TAPT1: variants seen among roughly 807,000 people sequenced by gnomAD.
TAPT1 encodes the protein transmembrane anterior posterior transformation 1, also known as transmembrane anterior posterior transformation protein 1 homolog.
In TAPT1, 28 loss-of-function variants were observed where a neutral mutation model predicts 65.6. The ratio of observed to expected loss-of-function variants is 0.43; its 90% CI spans 0.32 to 0.59. TAPT1 has a LOEUF of 0.59. Among genes scored for constraint, TAPT1 ranks in the 20% least tolerant of loss-of-function variants. TAPT1 has a pLI of 0.09. For synonymous variants in TAPT1, 278 were observed against 245.2 expected (o/e 1.13, Z -1.25); for missense variants, 563 against 679.9 (o/e 0.83, Z 1.91).
intron 1 of TAPT1, among the ~76,000 whole-genome samples, chr4:16,219,120 G>C (rs1416657781): frequency 2.0e-5 from 3 of 152,292 alleles, no homozygotes; most frequent in East Asian, 3.9e-4. Flanking sequence ...CCATTTTGCA[G>C]ATGAAGAAAC....
chr4:16,206,934 G>A (rs182822510), intron 2 of TAPT1, among the ~76,000 whole-genome samples: 48 of 152,276 alleles, frequency 3.2e-4, no homozygotes, highest in South Asian at 8.3e-4. Context: ...AGAAAATTAA[G>A]AATGGTAAGA....
chr4:16,204,151 G>C (rs1443168531), intron 2 of TAPT1, among the ~76,000 whole-genome samples: 1 of 152,192 alleles, frequency 6.6e-6, no homozygotes, highest in African/African-American at 2.4e-5. Context: ...GTGGACTGCT[G>C]GTTCAGTACT....
At chr4:16,211,509 C>A (rs1447862161) in intron 2 of TAPT1, among the ~76,000 whole-genome samples, 1 of 152,114 alleles carries the variant, frequency 6.6e-6, no homozygotes, top group Non-Finnish European at 1.5e-5. Flanking sequence ...ATGCTCCAAA[C>A]AGAAAATCAT....
At chr4:16,179,755 A>G (rs1332708974) in intron 7 of TAPT1, 98 bp from the exon 8 acceptor site, 4 of 567,956 alleles carry the variant, frequency 7.0e-6, no homozygotes, top group Middle Eastern at 4.8e-4. Context: ...TGAAATTATT[A>G]GACGATGTAT....
chr4:16,197,607 C>G (rs76347794), intron 3 of TAPT1, among the ~76,000 whole-genome samples: 6,463 of 152,248 alleles, frequency 0.042, 228 homozygotes, highest in African/African-American at 0.087. Context: ...TTTCGTACCT[C>G]TAACATAATA....
At chr4:16,171,509 TAATGTC>T (rs1747987095) in intron 11 of TAPT1, among the ~76,000 whole-genome samples, 1 of 152,208 alleles carries the variant, frequency 6.6e-6, no homozygotes, top group African/African-American at 2.4e-5. Flanking sequence ...TCTTATCTAG[TAATGTC>T]AAGTTATCCA....
Position 16,226,263 on chromosome 4 carries a change from G to A in TAPT1, c.195C>T (p.Arg65=). The A allele has an allele frequency of 8.9e-7, 1 of 1,122,198 alleles. No individual in the cohort carries two copies. The highest frequency in any genetic ancestry group is 4.7e-5 in the East Asian group (1 of 21,348). The allele number at this position is 1,122,198 out of a possible 1,614,324, so 69.5% of individuals were successfully genotyped here. ...SDRRRERRRG[R]TELSLLRFLS... is the part of the protein sequence containing the mutation. ...GCCTAGCGCCGCCCGCCTCACCTGT[G>A]CGGCCCCGGCGCCTCTCCCGCCGCC... Residue 65 remains arginine, a synonymous_variant, in exon 1 of 14, where the codon CGC becomes CGT. Coordinates refer to ENST00000405303, the MANE Select transcript of TAPT1 (RefSeq NM_153365.3).
intron 3 of TAPT1, among the ~76,000 whole-genome samples, chr4:16,200,806 GAAAAT>G (rs1048207993): frequency 4.6e-5 from 7 of 152,162 alleles, no homozygotes; most frequent in African/African-American, 1.7e-4. Context: ...AGTGATAAAA[GAAAAT>G]AGTTTATTGT....
chr4:16,175,391 A>G (rs1470446455), intron 9 of TAPT1, among the ~76,000 whole-genome samples: 2 of 152,118 alleles, frequency 1.3e-5, no homozygotes, highest in Non-Finnish European at 2.9e-5. Context: ...ACATTCAGAA[A>G]CTCATAATTG....
In TAPT1 at chr4:16,226,384, C is replaced by A; in HGVS notation, c.74G>T (p.Gly25Val). 9.1e-7 allele frequency: 1 copy of A among 1,102,886 alleles called. No homozygotes were observed. The allele number at this position is 1,102,886 out of a possible 1,614,324, so 68.3% of individuals were successfully genotyped here. A position where few individuals can be genotyped will look rare whatever the true frequency, so the allele number is the denominator to read the frequency against. Residue 25 changes from glycine to valine, a missense_variant, in exon 1 of 14, where the codon GGC becomes GTC. Physicochemically the swap from Gly to Val is moderately radical, Grantham distance 109. Around this residue, in one of 5 missense-constraint regions of TAPT1, gnomAD observed 103 missense variants for 89.4 expected, o/e 1.15. Coordinates refer to ENST00000405303, the MANE Select transcript of TAPT1 (RefSeq NM_153365.3). ...GCCCGGCTGCTCCGCCTCGCCGCGG[C>A]CGTCCCGCTGCGGGCCGTCCACGCC... ...GGGVDGPQRD[G>V]RGEAEQPGGS... is the part of the protein sequence containing the mutation.
chr4:16,211,513 A>C (rs1750652790), intron 2 of TAPT1, among the ~76,000 whole-genome samples: 1 of 152,206 alleles, frequency 6.6e-6, no homozygotes, highest in South Asian at 2.1e-4. Context: ...TCCAAACAGA[A>C]AATCATGATG....
At chr4:16,191,857 A>G (rs1037262192) in intron 3 of TAPT1, among the ~76,000 whole-genome samples, 1 of 152,224 alleles carries the variant, frequency 6.6e-6, no homozygotes, top group African/African-American at 2.4e-5. Flanking sequence ...CTAATCATGA[A>G]TCCCTGCACA....
At chr4:16,168,477 C>G (rs1412360518) in intron 12 of TAPT1, among the ~76,000 whole-genome samples, 2 of 152,182 alleles carry the variant, frequency 1.3e-5, no homozygotes, top group Non-Finnish European at 2.9e-5. Flanking sequence ...TGGACTACTG[C>G]AGCTGCCTGG....
At chr4:16,214,539 C>T (rs1750825824) in intron 1 of TAPT1, 1 of 152,190 alleles carries the variant, frequency 6.6e-6, no homozygotes, top group African/African-American at 2.4e-5. Context: ...TCCTCTAAAG[C>T]AAATTACTCC....
chr4:16,181,558 G>A (rs1748713484), intron 7 of TAPT1, among the ~76,000 whole-genome samples: 1 of 152,100 alleles, frequency 6.6e-6, no homozygotes. Context: ...TCTCATTAAA[G>A]GTGTATTTAA....
upstream of TAPT1, chr4:16,227,002 C>CG: frequency 4.5e-6 from 2 of 443,078 alleles, no homozygotes; most frequent in Non-Finnish European, 9.0e-6. Flanking sequence ...GCCGCGGCGG[C>CG]GGGGGCCCGG....
intron 12 of TAPT1, among the ~76,000 whole-genome samples, chr4:16,169,842 A>G (rs1200625925): frequency 2.6e-5 from 4 of 152,204 alleles, no homozygotes; most frequent in African/African-American, 9.7e-5. Context: ...TAAAAATACC[A>G]TGAAACTGGA....
At chr4:16,220,881 C>G (rs1481811820) in intron 1 of TAPT1, among the ~76,000 whole-genome samples, 1 of 151,646 alleles carries the variant, frequency 6.6e-6, no homozygotes, top group Non-Finnish European at 1.5e-5. Context: ...CAGGCTGCAG[C>G]CCAGTGGCAC....
rs1224595770 is a variant in TAPT1, at chr4:16,166,619, G to A, written c.1474+14C>T. 2.5e-6 allele frequency: 4 copies of A among 1,610,572 alleles called. No homozygotes were observed. In the South Asian group the frequency reaches 4.4e-5, roughly 18 times the overall value. ...AAAATGATCCAGGGAAGTGAAGAAA[G>A]GGACCAAACCTACCTTGAGAGGGTT... On this transcript the variant is annotated intron_variant, in intron 13 of 13. Transcript: ENST00000405303.
Sources: gnomAD v4.1 joint callset for allele counts (sites outside exome capture counted in the v4.1 genomes callset) on GRCh38, gnomAD v4.1.1 for gene constraint, gnomAD v4.1.1 regional missense constraint, MANE v1.5 for transcripts, NCBI Gene and HGNC (gene_info 2026-07-23, HGNC 2026-07-21) for gene names.